Variants in SNAP47 observed in about 807,000 individuals in gnomAD.
The protein encoded by SNAP47 is synaptosomal-associated protein 47.
SNAP47 carries 20 observed loss-of-function variants against 31.4 expected under a neutral mutation model. The observed-to-expected ratio is 0.64, with a 90% CI of 0.45 to 0.93. The LOEUF (loss-of-function observed/expected upper bound fraction) is 0.93. Ranked by LOEUF, SNAP47 falls within the 40% of genes least tolerant of loss-of-function variation. The pLI is 0.00. For missense variants in SNAP47, 492 were observed against 528.5 expected (o/e 0.93, Z 0.68); for synonymous variants, 194 against 213.4 (o/e 0.91, Z 0.79).
Position 227,780,620 on chromosome 1 carries a change from A to T in SNAP47, c.1207A>T (p.Arg403Trp), listed in dbSNP as rs749728883. 1.2e-6 allele frequency: 2 copies of T among 1,614,084 alleles called. No homozygotes were observed. Among genetic ancestry groups the T allele is most frequent in the Middle Eastern group, 1.6e-4 (1 of 6,084 alleles). ...ALDGVAAAVD[R>W]ATLTIDKHNR... ...GGATGGCGTTGCAGCAGCTGTGGACAGGGCAACCTTGACCATCGACAAGCA... is the reference window on the plus strand; with the variant it reads ...GGATGGCGTTGCAGCAGCTGTGGACTGGGCAACCTTGACCATCGACAAGCA... Residue 403 changes from arginine to tryptophan, a missense_variant, in exon 5 of 5, where the codon AGG becomes TGG. Physicochemically the swap from Arg to Trp is moderately radical, Grantham distance 101. Transcript: ENST00000617596.
intron 2 of SNAP47, among the ~76,000 whole-genome samples, chr1:227,757,636 T>C (rs1397679374): frequency 6.6e-6 from 1 of 152,232 alleles, no homozygotes; most frequent in East Asian, 1.9e-4. Context: ...ACGGCAGGTC[T>C]AGTAACTGCA....
At chr1:227,735,736 A>T (rs1455897319) in intron 1 of SNAP47, 1 of 981,328 alleles carries the variant, frequency 1.0e-6, no homozygotes, top group African/African-American at 1.8e-5. Context: ...GAACGGTGGG[A>T]CCCAGAGGGA....
chr1:227,777,245 C>A, intron 4 of SNAP47: 1 of 362,062 alleles, frequency 2.8e-6, no homozygotes, highest in Non-Finnish European at 3.8e-6. Context: ...AAAGTGATCA[C>A]ATCACAACCA....
At chr1:227,732,883 G>C (rs771252367), upstream of SNAP47, 1 of 1,612,610 alleles carries the variant, frequency 6.2e-7, no homozygotes. Flanking sequence ...CACCCCACCT[G>C]GCAGTGGTGG....
chr1:227,732,316 GGT>G (rs1348152000), upstream of SNAP47: 3 of 1,528,008 alleles, frequency 2.0e-6, no homozygotes, highest in Non-Finnish European at 2.7e-6. Flanking sequence ...CAGGGAGGGC[GGT>G]CTTTATTTCT....
chr1:227,776,859 G>A (rs981557547), intron 4 of SNAP47: 5 of 985,460 alleles, frequency 5.1e-6, no homozygotes, highest in Non-Finnish European at 6.0e-6. Context: ...TTTGGAATGA[G>A]TTCTCTTTTA....
At chr1:227,729,498 T>A (rs1004212125) in intron 1 of SNAP47, among the ~76,000 whole-genome samples, 4 of 152,226 alleles carry the variant, frequency 2.6e-5, no homozygotes, top group African/African-American at 9.6e-5. Flanking sequence ...GGGCTGAGGT[T>A]GACACTCTGG....
upstream of SNAP47, among the ~76,000 whole-genome samples, chr1:227,728,352 G>A (rs1241594247): frequency 6.6e-6 from 1 of 152,172 alleles, no homozygotes; most frequent in Non-Finnish European, 1.5e-5. Flanking sequence ...CCGGAGCGGG[G>A]GGGGCGGGCC....
upstream of SNAP47, chr1:227,733,078 G>T: frequency 1.3e-6 from 2 of 1,597,160 alleles, no homozygotes; most frequent in South Asian, 2.2e-5. Context: ...GGTGCCCCCT[G>T]ACCAACCCAC....
At chr1:227,733,191 C>T, upstream of SNAP47, 1 of 886,302 alleles carries the variant, frequency 1.1e-6, no homozygotes, top group Non-Finnish European at 1.7e-6. Context: ...GGGTGGCGGG[C>T]TCGGACCACC....
At chr1:227,776,924 C>T (rs1375547682) in intron 4 of SNAP47, 2 of 985,260 alleles carry the variant, frequency 2.0e-6, no homozygotes, top group Non-Finnish European at 1.2e-6. Flanking sequence ...AGGAGCCAGC[C>T]TTTATTTTGT....
intron 4 of SNAP47, chr1:227,775,977 G>A (rs1045120789): frequency 4.0e-6 from 5 of 1,264,924 alleles, no homozygotes; most frequent in South Asian, 2.5e-5. Flanking sequence ...TCCTCCTCAC[G>A]GATGTGTTGG....
At chr1:227,734,903 C>T (rs1660969982), upstream of SNAP47, 4 of 1,558,490 alleles carry the variant, frequency 2.6e-6, no homozygotes, top group African/African-American at 5.4e-5. Flanking sequence ...AGGGGCCACG[C>T]GCCTGGCCTC....
At chr1:227,746,238 A>G (rs1177556697) in intron 1 of SNAP47, 1 of 152,278 alleles carries the variant, frequency 6.6e-6, no homozygotes, top group Non-Finnish European at 1.5e-5. Context: ...ATGCCCCAGA[A>G]GGAGGACAGG....
chr1:227,735,448 CGAGCGGCCGAGGCGCCGCGGTCG>C lies in SNAP47; in HGVS notation c.-95_-73del. 4 of 1,448,790 alleles carry C rather than the reference CGAGCGGCCGAGGCGCCGCGGTCG, an allele frequency of 2.8e-6. No homozygotes were observed. The South Asian group carries it at 5.8e-5, about 21-fold the overall frequency. 89.7% of individuals were successfully genotyped at this position (1,448,790 alleles called of 1,614,324 possible). A position where few individuals can be genotyped will look rare whatever the true frequency, so the allele number is the denominator to read the frequency against. On this transcript the variant is annotated 5_prime_UTR_variant, in exon 1 of 5. Transcript: ENST00000617596. Reference sequence around the variant, plus strand: ...GCCGCGGTCTTCACTGCGCAGGCGCCGAGCGGCCGAGGCGCCGCGGTCGGCTCTGGGACTCGTCTGGCGTCCCT... The same window carrying C: ...GCCGCGGTCTTCACTGCGCAGGCGCCGCTCTGGGACTCGTCTGGCGTCCCT...
chr1:227,767,820 G>A (rs980996252), intron 4 of SNAP47, among the ~76,000 whole-genome samples: 1 of 152,214 alleles, frequency 6.6e-6, no homozygotes, highest in East Asian at 1.9e-4. Context: ...TGTTCTGTGT[G>A]TGCACTGTAT....
At position 227,737,881 on chromosome 1, in the gene SNAP47, C is replaced by T. The variant is rs542997625; in HGVS notation, c.-46+2382C>T. 2.6e-4 allele frequency among the ~76,000 whole-genome samples: 39 copies of T among 152,094 alleles called. No homozygotes were observed. In the South Asian group the frequency reaches 8.1e-3, roughly 32 times the overall value. On this transcript the variant is annotated intron_variant, in intron 1 of 4. Coordinates refer to ENST00000617596, the MANE Select transcript of SNAP47 (RefSeq NM_053052.4). Reference sequence around the variant, plus strand: ...AGCCCTATTGTGGCTTGTGTGATCACGGTATGCAATTGTTTATTGGGGTTT... The same window carrying T: ...AGCCCTATTGTGGCTTGTGTGATCATGGTATGCAATTGTTTATTGGGGTTT...
In SNAP47 at chr1:227,759,436, C is replaced by A. The variant is rs780128655; in HGVS notation, c.939C>A (p.Ser313Arg). ...ELLEDALVLR[S>R]ARTSSPAEKS... is the part of the protein sequence containing the mutation. Reference sequence around the variant, plus strand: ...TAGAAGATGCATTGGTGCTCAGAAGCGCAAGAACCTCTTCCCCCGCAGAGA... The same window carrying A: ...TAGAAGATGCATTGGTGCTCAGAAGAGCAAGAACCTCTTCCCCCGCAGAGA... The change falls in exon 3 of 5, where the codon AGC (serine) becomes AGA (arginine). Residue 313 changes from serine to arginine, a missense_variant. Transcript: ENST00000617596. 5.0e-6 allele frequency: 8 copies of A among 1,614,058 alleles called. No individual in the cohort carries two copies. Among genetic ancestry groups the A allele is most frequent in the Non-Finnish European group, 5.9e-6 (7 of 1,180,052 alleles).
upstream of SNAP47, chr1:227,730,954 G>C (rs772393894): frequency 7.9e-5 from 12 of 152,290 alleles, no homozygotes; most frequent in African/African-American, 2.7e-4. Context: ...AGAGGTTACC[G>C]GAGGGGCTAA....
Sources: allele counts gnomAD v4.1 joint callset (sites outside exome capture counted in the v4.1 genomes callset), GRCh38; gene constraint gnomAD v4.1.1; transcripts MANE v1.5; gene names NCBI Gene and HGNC (gene_info 2026-07-23, HGNC 2026-07-21).